Variants in LRRTM4 observed in about 807,000 individuals in gnomAD.
LRRTM4 encodes leucine rich repeat transmembrane neuronal 4.
A neutral mutation model predicts 47.6 loss-of-function variants in LRRTM4; 25 were observed. The ratio of observed to expected loss-of-function variants is 0.53; its 90% confidence interval spans 0.38 to 0.73. The LOEUF is 0.73. LRRTM4 is among the 30% of genes least tolerant of loss of function. The probability of loss-of-function intolerance (pLI) is 0.00; values close to 1 mark genes in which losing one functional copy is unlikely to be tolerated. For missense variants in LRRTM4, 638 were observed against 713.4 expected (o/e 0.89, Z 1.20); for synonymous variants, 311 against 269.5 (o/e 1.15, Z -1.51).
intron 3 of LRRTM4, among the ~76,000 whole-genome samples, chr2:77,286,411 T>C (rs1676660580): frequency 6.6e-6 from 1 of 151,956 alleles, no homozygotes; most frequent in African/African-American, 2.4e-5. Context: ...TTAATAATCA[T>C]ACTCTTTAAT....
rs550641253 is a variant in LRRTM4, at chr2:77,094,830, C to A, written c.1552-345914G>T. Among the ~76,000 whole-genome samples, 5 of 152,232 alleles carry A rather than the reference C, an allele frequency of 3.3e-5. No homozygotes were observed. In the East Asian group the frequency reaches 9.6e-4, roughly 29 times the overall value. ...TGTAAGACCCCAAATTGCAAAGCTG[C>A]TAGAAGAAAACAGGGGAAAAGCTCC... On this transcript the variant is annotated intron_variant, in intron 3 of 3. Transcript: ENST00000409884.
chr2:77,223,940 C>A (rs536062483), intron 3 of LRRTM4, among the ~76,000 whole-genome samples: 3 of 152,090 alleles, frequency 2.0e-5, no homozygotes, highest in African/African-American at 7.2e-5. Context: ...GGAGGCATCA[C>A]GCTACCTGAC....
chr2:76,838,095 T>G (rs1671569113), intron 3 of LRRTM4, among the ~76,000 whole-genome samples: 1 of 139,396 alleles, frequency 7.2e-6, no homozygotes, highest in Admixed American at 7.9e-5. Flanking sequence ...ATAATAATAA[T>G]AATAATAAAA....
At chr2:77,192,641 T>C (rs1489697296) in intron 3 of LRRTM4, among the ~76,000 whole-genome samples, 2 of 152,052 alleles carry the variant, frequency 1.3e-5, no homozygotes, top group Non-Finnish European at 2.9e-5. Context: ...ATTTCCAAAT[T>C]AATTTAATTT....
intron 3 of LRRTM4, among the ~76,000 whole-genome samples, chr2:76,943,587 CCT>C (rs1164734988): frequency 1.3e-5 from 2 of 152,040 alleles, no homozygotes; most frequent in Non-Finnish European, 2.9e-5. Context: ...ACAATTTTTT[CCT>C]CTCTCCATGA....
chr2:77,062,507 C>A (rs920112155), intron 3 of LRRTM4, among the ~76,000 whole-genome samples: 2 of 152,100 alleles, frequency 1.3e-5, no homozygotes, highest in African/African-American at 4.8e-5. Flanking sequence ...GTAATCTGAT[C>A]TGGTAATTAT....
At chr2:76,992,345 C>A (rs1191828885) in intron 3 of LRRTM4, among the ~76,000 whole-genome samples, 4 of 151,618 alleles carry the variant, frequency 2.6e-5, no homozygotes, top group Non-Finnish European at 5.9e-5. Flanking sequence ...ATCAAACTAT[C>A]TGTTTTGCTG....
chr2:76,752,114 G>A (rs1203510586), intron 3 of LRRTM4, among the ~76,000 whole-genome samples: 1 of 152,118 alleles, frequency 6.6e-6, no homozygotes, highest in Non-Finnish European at 1.5e-5. Context: ...ACAAAGAAGA[G>A]ATACTTGAAT....
chr2:77,500,681 A>G (rs1335241562), intron 3 of LRRTM4, among the ~76,000 whole-genome samples: 1 of 151,654 alleles, frequency 6.6e-6, no homozygotes, highest in Admixed American at 6.6e-5. Flanking sequence ...AGAATTTAAA[A>G]GATAATCATT....
chr2:76,958,992 G>A (rs2103907017), intron 3 of LRRTM4, among the ~76,000 whole-genome samples: 1 of 151,644 alleles, frequency 6.6e-6, no homozygotes, highest in South Asian at 2.1e-4. Context: ...AAGGGAAGCA[G>A]CCACACGGTC....
intron 3 of LRRTM4, among the ~76,000 whole-genome samples, chr2:76,920,788 G>A (rs753594147): frequency 1.3e-5 from 2 of 151,922 alleles, no homozygotes; most frequent in East Asian, 1.9e-4. Context: ...TACTTCATTC[G>A]CTAAAGCCCC....
chr2:76,811,347 G>T (rs1670727004), intron 3 of LRRTM4, among the ~76,000 whole-genome samples: 1 of 152,136 alleles, frequency 6.6e-6, no homozygotes, highest in Admixed American at 6.6e-5. Context: ...TTGCTACAAA[G>T]CAGCTTGCAG....
At chr2:76,974,342 C>A (rs770765972) in intron 3 of LRRTM4, among the ~76,000 whole-genome samples, 14 of 149,416 alleles carry the variant, frequency 9.4e-5, no homozygotes, top group Non-Finnish European at 1.9e-4. Flanking sequence ...TTGGCTTTAT[C>A]ACTCCTGAAA....
At chr2:77,349,153 T>C (rs1558700426) in intron 3 of LRRTM4, among the ~76,000 whole-genome samples, 1 of 151,912 alleles carries the variant, frequency 6.6e-6, no homozygotes. Flanking sequence ...AATACCTATT[T>C]TGGTGATGAA....
In LRRTM4 at chr2:76,801,703, A is replaced by G. The variant is rs1291604975; in HGVS notation, c.1552-52787T>C. Reference sequence around the variant, plus strand: ...AAGTACAGGTTAACATCCCTGGTGAACATGTATGAAAAATCCTCAGCAAAA... The same window carrying G: ...AAGTACAGGTTAACATCCCTGGTGAGCATGTATGAAAAATCCTCAGCAAAA... On this transcript the variant is annotated intron_variant, in intron 3 of 3. Coordinates refer to ENST00000409884, the MANE Select transcript of LRRTM4 (RefSeq NM_001134745.3). 2.0e-5 allele frequency among the ~76,000 whole-genome samples: 3 copies of G among 152,132 alleles called. No homozygotes were observed. In the East Asian group the frequency reaches 5.8e-4, roughly 29 times the overall value.
intron 3 of LRRTM4, among the ~76,000 whole-genome samples, chr2:77,457,158 T>A (rs1359352671): frequency 6.6e-6 from 1 of 150,892 alleles, no homozygotes; most frequent in Non-Finnish European, 1.5e-5. Context: ...AATTTTAAAA[T>A]CATATCCCCA....
At chr2:77,178,422 C>A (rs1244281912) in intron 3 of LRRTM4, among the ~76,000 whole-genome samples, 2 of 151,930 alleles carry the variant, frequency 1.3e-5, no homozygotes, top group East Asian at 1.9e-4. Context: ...CCCGTCTCTA[C>A]CGAAAAAACA....
At chr2:77,042,392 T>G (rs1679063906) in intron 3 of LRRTM4, among the ~76,000 whole-genome samples, 1 of 151,680 alleles carries the variant, frequency 6.6e-6, no homozygotes, top group Non-Finnish European at 1.5e-5. Context: ...TCTGTACATA[T>G]GCACAAATAT....
intron 3 of LRRTM4, among the ~76,000 whole-genome samples, chr2:77,476,994 GTGTA>G (rs760912086): frequency 2.2e-5 from 2 of 92,512 alleles, no homozygotes; most frequent in Non-Finnish European, 5.4e-5. Flanking sequence ...GTGTGTGTGT[GTGTA>G]TGTGTGTACT....
Sources: allele counts gnomAD v4.1 joint callset (sites outside exome capture counted in the v4.1 genomes callset), GRCh38; gene constraint gnomAD v4.1.1; transcripts MANE v1.5; gene names NCBI Gene and HGNC (gene_info 2026-07-23, HGNC 2026-07-21).